The following SH3RF1 variants were observed in gnomAD, a reference collection of about 807,000 sequenced individuals.
SH3RF1 encodes SH3 domain containing ring finger 1.
SH3RF1 carries 32 observed loss-of-function variants against 74.0 expected under a neutral mutation model. The ratio of observed to expected loss-of-function variants is 0.43; its 90% CI spans 0.33 to 0.58. The LOEUF (loss-of-function observed/expected upper bound fraction) is 0.58, where lower values mean the gene tolerates loss of function less well. SH3RF1 is among the 20% of genes least tolerant of loss of function. SH3RF1 has a pLI of 0.05. For missense variants in SH3RF1, 954 were observed against 1,130.9 expected, an observed-to-expected ratio of 0.84 and a Z score of 2.24; for synonymous variants, 396 against 439.6, an observed-to-expected ratio of 0.90 and a Z score of 1.24.
At chr4:169,198,023 AT>A (rs1376130034) in intron 2 of SH3RF1, among the ~76,000 whole-genome samples, 1 of 152,222 alleles carries the variant, frequency 6.6e-6, no homozygotes, top group Non-Finnish European at 1.5e-5. Flanking sequence ...AAATGTAGAA[AT>A]GTAAAGGCTT....
At chr4:169,176,093 C>T (rs182590878) in intron 2 of SH3RF1, among the ~76,000 whole-genome samples, 110 of 152,334 alleles carry the variant, frequency 7.2e-4, no homozygotes, top group African/African-American at 2.5e-3. Context: ...TGAGAACCTT[C>T]ACCAAGAACA....
chr4:169,142,776 G>A (rs990604397), intron 4 of SH3RF1, among the ~76,000 whole-genome samples: 1 of 152,166 alleles, frequency 6.6e-6, no homozygotes. Context: ...GGAAATTCAT[G>A]CCCATTTACA....
intron 2 of SH3RF1, among the ~76,000 whole-genome samples, chr4:169,246,519 A>G (rs1730996576): frequency 6.6e-6 from 1 of 152,248 alleles, no homozygotes; most frequent in African/African-American, 2.4e-5. Flanking sequence ...TAAAGGAGAA[A>G]GTAGAAAAAG....
At position 169,095,162 on chromosome 4, in the gene SH3RF1, C is replaced by T. The variant is rs1165144537; in HGVS notation, c.*1357G>A. 1 of 152,636 alleles carries T rather than the reference C, an allele frequency of 6.6e-6. No homozygotes were observed. The highest frequency in any genetic ancestry group is 1.5e-5 in the Non-Finnish European group (1 of 68,044). The allele number at this position is 152,636 out of a possible 1,614,324, so 9.5% of individuals were successfully genotyped here. A position where few individuals can be genotyped will look rare whatever the true frequency, so the allele number is the denominator to read the frequency against. On this transcript the variant is annotated 3_prime_UTR_variant, in exon 12 of 12. Coordinates refer to ENST00000284637, the MANE Select transcript of SH3RF1 (RefSeq NM_020870.4). ...GGCAAATTCACTCCCACCAAGCCTT[C>T]CAGAGCTCCACAGTCACAGGAGTAG...
At chr4:169,140,388 A>G (rs765279106) in intron 4 of SH3RF1, among the ~76,000 whole-genome samples, 39 of 152,228 alleles carry the variant, frequency 2.6e-4, no homozygotes, top group Non-Finnish European at 4.1e-4. Flanking sequence ...ATAAATTTGT[A>G]TCCTAAAATA....
intron 2 of SH3RF1, among the ~76,000 whole-genome samples, chr4:169,226,786 G>C (rs1003656756): frequency 2.0e-5 from 3 of 152,092 alleles, no homozygotes; most frequent in African/African-American, 7.2e-5. Context: ...ACTGTGATTG[G>C]GATGATGAAT....
chr4:169,220,504 C>G (rs2127001295), intron 2 of SH3RF1, among the ~76,000 whole-genome samples: 1 of 152,312 alleles, frequency 6.6e-6, no homozygotes, highest in South Asian at 2.1e-4. Flanking sequence ...CAAGTGTGGA[C>G]TAGGGAGTGG....
intron 11 of SH3RF1, among the ~76,000 whole-genome samples, chr4:169,099,849 G>A (rs185406175): frequency 6.6e-6 from 1 of 152,124 alleles, no homozygotes; most frequent in Non-Finnish European, 1.5e-5. Context: ...CCTCTGGGGG[G>A]GCGGGTGGAA....
rs531928688 is a variant in SH3RF1, at chr4:169,106,920, C to A, written c.2425G>T (p.Ala809Ser). ...GAACAGGCCTGGCGAGGAGGTGGAG[C>A]GATGGGAACTGCGGAGTCCAGGGAA... The part of the protein sequence containing the change: ...ASSLDSAVPI[A>S]PPPRQACSSL... The change falls in exon 11 of 12, where the codon GCT becomes TCT. Residue 809 changes from alanine (A) to serine (S), a missense_variant. Transcript: ENST00000284637. The A allele has an allele frequency of 2.3e-5, 37 of 1,613,566 alleles. No homozygotes were observed. Among genetic ancestry groups the A allele is most frequent in the Non-Finnish European group, 2.8e-5 (33 of 1,180,002 alleles).
chr4:169,201,160 T>C (rs1000600188), intron 2 of SH3RF1, among the ~76,000 whole-genome samples: 4 of 152,214 alleles, frequency 2.6e-5, no homozygotes, highest in Admixed American at 2.0e-4. Context: ...TTAACATCTT[T>C]AAAAGGATTA....
chr4:169,176,926 CTGTTGT>C (rs137974213), intron 2 of SH3RF1, among the ~76,000 whole-genome samples: 16,857 of 151,728 alleles, frequency 0.11, 954 homozygotes, highest in Middle Eastern at 0.15. Flanking sequence ...TGGTTAATTT[CTGTTGT>C]TGTTGTTGTT....
At chr4:169,183,177 G>A (rs1734542075) in intron 2 of SH3RF1, among the ~76,000 whole-genome samples, 1 of 152,192 alleles carries the variant, frequency 6.6e-6, no homozygotes, top group South Asian at 2.1e-4. Context: ...GAAGGCACCT[G>A]TAATCTCAAC....
chr4:169,187,324 G>A (rs1734622762), intron 2 of SH3RF1, among the ~76,000 whole-genome samples: 1 of 152,092 alleles, frequency 6.6e-6, no homozygotes. Context: ...CTTCTGAGTA[G>A]CTGAGACTAA....
intron 11 of SH3RF1, among the ~76,000 whole-genome samples, chr4:169,102,406 TC>T (rs1406162547): frequency 6.6e-6 from 1 of 151,240 alleles, no homozygotes; most frequent in Non-Finnish European, 1.5e-5. Context: ...TTTTTTTTTT[TC>T]CCCCAATTTA....
At chr4:169,257,537 C>T (rs1182448391) in intron 2 of SH3RF1, among the ~76,000 whole-genome samples, 2 of 152,180 alleles carry the variant, frequency 1.3e-5, no homozygotes, top group East Asian at 3.8e-4. Context: ...CTTGCCTGAC[C>T]TCAAAGCAGC....
chr4:169,269,121 G>A lies in SH3RF1; in HGVS notation c.92C>T (p.Thr31Met). 1.2e-6 allele frequency: 2 copies of A among 1,614,014 alleles called. No homozygotes were observed. Among genetic ancestry groups the A allele is most frequent in the Non-Finnish European group, 1.7e-6 (2 of 1,180,028 alleles). The change falls in exon 2 of 12, where the codon ACG becomes ATG. Residue 31 changes from threonine (T) to methionine (M), a missense_variant. Around this residue, in one of 3 missense-constraint regions of SH3RF1, gnomAD observed 64 missense variants for 101.9 expected, o/e 0.63. Coordinates refer to ENST00000284637, the MANE Select transcript of SH3RF1 (RefSeq NM_020870.4). ...CCCCAGCAAACATCGCTTGCAAAAC[G>A]TATGCTGGCAAGGCAAGACCTTCGC... ...ASAKVLPCQH[T>M]FCKRCLLGIV...
intron 2 of SH3RF1, among the ~76,000 whole-genome samples, chr4:169,221,014 G>GA (rs1730557216): frequency 6.6e-6 from 1 of 152,170 alleles, no homozygotes; most frequent in African/African-American, 2.4e-5. Flanking sequence ...CTCTCGTGTC[G>GA]AAAGAGTTGA....
At chr4:169,128,944 G>C (rs1733568152) in intron 6 of SH3RF1, among the ~76,000 whole-genome samples, 1 of 152,160 alleles carries the variant, frequency 6.6e-6, no homozygotes, top group African/African-American at 2.4e-5. Flanking sequence ...CCCTTTCTAT[G>C]ATCTAACTCT....
In SH3RF1 at chr4:169,096,580, C is replaced by T; in HGVS notation, c.2606G>A (p.Gly869Asp). 6.2e-7 allele frequency: 1 copy of T among 1,614,124 alleles called. No individual in the cohort carries two copies. Among genetic ancestry groups the T allele is most frequent in the South Asian group, 1.1e-5 (1 of 91,080 alleles). ...HKKREDGWFKGTLQRNGKTGL... is the reference protein window; with the variant it reads ...HKKREDGWFKDTLQRNGKTGL... ...AGTTTTCCCATTACGTTGTAATGTG[C>T]CTTTGAACCAGCCATCCTCTCGTTT... Residue 869 changes from glycine to aspartate, a missense_variant, in exon 12 of 12, where the codon GGC (glycine) becomes GAC (aspartate). By Grantham distance (94) the Gly-to-Asp change is moderately conservative (BLOSUM62 -1). This residue lies in a region of SH3RF1 where 36 missense variants were observed against 66.5 expected (regional missense o/e 0.54). Transcript: ENST00000284637.
Sources: gnomAD v4.1 joint callset for allele counts (sites outside exome capture counted in the v4.1 genomes callset) on GRCh38, gnomAD v4.1.1 for gene constraint, gnomAD v4.1.1 regional missense constraint, MANE v1.5 for transcripts, NCBI Gene and HGNC (gene_info 2026-07-23, HGNC 2026-07-21) for gene names.